KCNU1: variants seen among roughly 807,000 people sequenced by gnomAD.
KCNU1 encodes the protein potassium calcium-activated channel subfamily U member 1, also known as potassium channel subfamily U member 1.
KCNU1 carries 93 observed loss-of-function variants against 126.8 expected under a neutral mutation model. The ratio of observed to expected loss-of-function variants is 0.73; its 90% confidence interval spans 0.62 to 0.87. The LOEUF is 0.87. Among genes scored for constraint, KCNU1 ranks in the 40% least tolerant of loss-of-function variants. The probability of loss-of-function intolerance (pLI) is 0.00; values close to 1 mark genes in which losing one functional copy is unlikely to be tolerated. For missense variants in KCNU1, 1,330 were observed against 1,367.1 expected, an observed-to-expected ratio of 0.97 and a Z score of 0.43; for synonymous variants, 523 against 494.2, an observed-to-expected ratio of 1.06 and a Z score of -0.77.
chr8:36,800,788 T>A (rs1455327365), intron 2 of KCNU1, among the ~76,000 whole-genome samples: 3 of 152,196 alleles, frequency 2.0e-5, no homozygotes, highest in Non-Finnish European at 2.9e-5. Flanking sequence ...TCTTGCGAGT[T>A]GGTAAGAATG....
At chr8:36,853,759 T>C (rs1805434067) in intron 18 of KCNU1, among the ~76,000 whole-genome samples, 1 of 152,114 alleles carries the variant, frequency 6.6e-6, no homozygotes, top group Admixed American at 6.5e-5. Flanking sequence ...GGATGTCTGT[T>C]AAGTATAGTT....
Position 36,814,324 on chromosome 8 carries a change from G to A in KCNU1, c.850G>A (p.Ala284Thr), listed in dbSNP as rs1370880667. The change falls in exon 8 of 27, where the codon GCC becomes ACC. Residue 284 changes from alanine to threonine, a missense_variant. Transcript: ENST00000399881. The stretch of plus-strand genomic sequence containing the variant: ...AACCGTTGGATTTGGAGATGTGGTA[G>A]CCAAGACATCCTTAGGACGGACCTT... ...TSTVGFGDVV[A>T]KTSLGRTFIM... 3.0e-5 allele frequency: 49 copies of A among 1,613,102 alleles called. No individual in the cohort carries two copies. The highest frequency in any genetic ancestry group is 4.1e-5 in the Non-Finnish European group (48 of 1,179,356).
intron 19 of KCNU1, among the ~76,000 whole-genome samples, chr8:36,884,718 C>G (rs928304429): frequency 1.3e-5 from 2 of 151,476 alleles, no homozygotes; most frequent in South Asian, 4.2e-4. Context: ...GGTAACAGAG[C>G]CTGGGTAACA....
chr8:36,871,933 T>C (rs1806117805), intron 19 of KCNU1, among the ~76,000 whole-genome samples: 1 of 152,174 alleles, frequency 6.6e-6, no homozygotes, highest in Non-Finnish European at 1.5e-5. Context: ...AAAGACCAAC[T>C]CTATAAGACA....
At chr8:36,838,907 A>C (rs984788273) in intron 14 of KCNU1, among the ~76,000 whole-genome samples, 2 of 152,152 alleles carry the variant, frequency 1.3e-5, no homozygotes, top group African/African-American at 4.8e-5. Context: ...TGAAAGCTGC[A>C]TTATTCTTTG....
chr8:36,877,437 A>T (rs1585497673), intron 19 of KCNU1, among the ~76,000 whole-genome samples: 1 of 151,492 alleles, frequency 6.6e-6, no homozygotes, highest in African/African-American at 2.4e-5. Flanking sequence ...CAAGTAGCTG[A>T]GATTACAGGC....
Position 36,864,753 on chromosome 8 carries a change from T to C in KCNU1, c.2009+232T>C, listed in dbSNP as rs149831492. Among the ~76,000 whole-genome samples, 7 of 152,310 alleles carry C rather than the reference T, an allele frequency of 4.6e-5. No individual in the cohort carries two copies. In the East Asian group the frequency reaches 1.3e-3, roughly 29 times the overall value. The stretch of plus-strand genomic sequence containing the variant: ...TACCCATAATAACCCAAAAGTTAGA[T>C]ACCCAACTTTCTTTCACACCACCTT... On this transcript the variant is annotated intron_variant, in intron 19 of 26. Transcript: ENST00000399881.
chr8:36,805,960 C>T (rs968491584), intron 4 of KCNU1, among the ~76,000 whole-genome samples: 3 of 152,160 alleles, frequency 2.0e-5, no homozygotes, highest in Admixed American at 6.5e-5. Context: ...TCTCCTGCTT[C>T]GGCCTCCTGG....
At chr8:36,816,439 G>T (rs1803915225) in intron 9 of KCNU1, among the ~76,000 whole-genome samples, 1 of 152,126 alleles carries the variant, frequency 6.6e-6, no homozygotes, top group Non-Finnish European at 1.5e-5. Context: ...AATGGAGATA[G>T]GCTCCCTGAA....
In KCNU1 at chr8:36,878,546, C is replaced by T. The variant is rs372518379; in HGVS notation, c.2009+14025C>T. 2.3e-4 allele frequency among the ~76,000 whole-genome samples: 35 copies of T among 152,234 alleles called. No homozygotes were observed. In the East Asian group the frequency reaches 6.4e-3, roughly 28 times the overall value. Reference sequence around the variant, plus strand: ...ACAAGAAGAGAGTATCCAACTGACTCAGCTCAAGTCAGCTTTCTGTGTTAT... The same window carrying T: ...ACAAGAAGAGAGTATCCAACTGACTTAGCTCAAGTCAGCTTTCTGTGTTAT... On this transcript the variant is annotated intron_variant, in intron 19 of 26. Transcript: ENST00000399881.
At chr8:36,894,589 C>G (rs1490930743) in intron 19 of KCNU1, among the ~76,000 whole-genome samples, 2 of 152,064 alleles carry the variant, frequency 1.3e-5, no homozygotes, top group Admixed American at 6.6e-5. Context: ...TTTCTCTCAG[C>G]TTTTAATATG....
At chr8:36,859,421 T>C (rs1165803564) in intron 18 of KCNU1, among the ~76,000 whole-genome samples, 1 of 152,124 alleles carries the variant, frequency 6.6e-6, no homozygotes, top group East Asian at 1.9e-4. Flanking sequence ...TAAATTTCCT[T>C]GGTCCCACTA....
chr8:36,798,881 G>A (rs932897002), intron 2 of KCNU1, among the ~76,000 whole-genome samples: 3 of 152,136 alleles, frequency 2.0e-5, no homozygotes, highest in African/African-American at 7.2e-5. Context: ...TCCCCTGAGG[G>A]CTGTGTCACG....
At chr8:36,897,433 G>A (rs540851954) in intron 19 of KCNU1, among the ~76,000 whole-genome samples, 1 of 151,982 alleles carries the variant, frequency 6.6e-6, no homozygotes, top group African/African-American at 2.4e-5. Flanking sequence ...AATAAGAAGT[G>A]GAACATCTAA....
At chr8:36,802,037 A>G (rs1369619835) in intron 2 of KCNU1, among the ~76,000 whole-genome samples, 1 of 144,528 alleles carries the variant, frequency 6.9e-6, no homozygotes, top group Non-Finnish European at 1.5e-5. Flanking sequence ...TGAAACCGGA[A>G]GGCGGAGGTT....
chr8:36,787,280 T>C (rs1381787406), intron 1 of KCNU1, 26 bp from the exon 2 acceptor site: 1 of 1,587,294 alleles, frequency 6.3e-7, no homozygotes, highest in Admixed American at 1.8e-5. Flanking sequence ...CAGCTCACAT[T>C]GTCAATTTCT....
chr8:36,839,869 C>A (rs76409768), intron 14 of KCNU1, among the ~76,000 whole-genome samples: 1 of 152,132 alleles, frequency 6.6e-6, no homozygotes, highest in Non-Finnish European at 1.5e-5. Flanking sequence ...GGGTTGGGTG[C>A]ATTTAGCCAT....
chr8:36,829,637 T>C (rs957942155), intron 10 of KCNU1, among the ~76,000 whole-genome samples: 3 of 151,104 alleles, frequency 2.0e-5, no homozygotes, highest in African/African-American at 2.4e-5. Context: ...TAAAATTATT[T>C]TATCATGTAT....
chr8:36,909,327 CAA>C lies in KCNU1; in HGVS notation c.2125_2126del (p.Lys709ValfsTer2). ...TATCCTTAGAAACGAACTGGCAAGT[CAA>C]AGTATAAGTTTCGGAACCATATTGT... On this transcript the variant is annotated frameshift_variant, in exon 21 of 27. Transcript: ENST00000399881. LOFTEE classifies it high-confidence loss of function. 1.2e-6 allele frequency: 2 copies of C among 1,612,496 alleles called. No homozygotes were observed. Among genetic ancestry groups the C allele is most frequent in the Non-Finnish European group, 1.7e-6 (2 of 1,178,654 alleles).
Sources: gnomAD v4.1 joint callset for allele counts (sites outside exome capture counted in the v4.1 genomes callset) on GRCh38, gnomAD v4.1.1 for gene constraint, MANE v1.5 for transcripts, NCBI Gene and HGNC (gene_info 2026-07-23, HGNC 2026-07-21) for gene names.